Variants in ATP8B3 observed in about 807,000 individuals in gnomAD.
ATP8B3 encodes ATPase phospholipid transporting 8B3, also known as phospholipid-transporting ATPase IK.
ATP8B3 carries 141 observed loss-of-function variants against 140.9 expected under a neutral mutation model. The observed-to-expected ratio is 1.00, with a 90% CI of 0.87 to 1.15. The LOEUF (loss-of-function observed/expected upper bound fraction) is 1.15. ATP8B3 is among the 50% of genes most tolerant of loss of function. ATP8B3 has a pLI of 0.00. For synonymous variants in ATP8B3, 765 were observed against 714.6 expected (o/e 1.07, Z -1.13); for missense variants, 1,874 against 1,740.6 (o/e 1.08, Z -1.36).
intron 22 of ATP8B3, 80 bp downstream of exon 22, chr19:1,789,810 A>G: frequency 1.3e-6 from 2 of 1,580,520 alleles, no homozygotes; most frequent in Non-Finnish European, 8.6e-7. Context: ...CCTCGCCAGC[A>G]GTCCCCACCC....
chr19:1,785,014 G>C, intron 27 of ATP8B3, 68 bp from the exon 28 acceptor site: 1 of 1,535,800 alleles, frequency 6.5e-7, no homozygotes, highest in Non-Finnish European at 8.7e-7. Context: ...GCTAGGGAGC[G>C]CCTTGGTGCC....
intron 10 of ATP8B3, among the ~76,000 whole-genome samples, chr19:1,803,695 G>A (rs1032963303): frequency 7.9e-5 from 12 of 152,114 alleles, no homozygotes; most frequent in Middle Eastern, 3.4e-3. Flanking sequence ...TCAGGAGTTC[G>A]AGACCAGCCT....
intron 14 of ATP8B3, chr19:1,799,635 G>GCA (rs2068780147): frequency 1.9e-6 from 1 of 527,896 alleles, no homozygotes; most frequent in African/African-American, 2.0e-5. Flanking sequence ...GTGGTGGCAG[G>GCA]TGCCTGTAAT....
Position 1,785,316 on chromosome 19 carries a change from G to C in ATP8B3, c.3394-19C>G. On this transcript the variant is annotated intron_variant, in intron 26 of 28. Transcript: ENST00000310127. ...GAATGACCTGGACAGGCAGCGGTGG[G>C]GTAAATCCGGGGCCTAGCGGGGCTT... The C allele has an allele frequency of 6.3e-7, 1 of 1,576,758 alleles. No individual in the cohort carries two copies. Among genetic ancestry groups the C allele is most frequent in the South Asian group, 1.2e-5 (1 of 85,632 alleles).
chr19:1,808,918 AT>A (rs2069106964), intron 4 of ATP8B3, among the ~76,000 whole-genome samples: 1 of 152,194 alleles, frequency 6.6e-6, no homozygotes, highest in Non-Finnish European at 1.5e-5. Context: ...CACCCCTGTA[AT>A]CCCAGCATTT....
intron 11 of ATP8B3, 77 bp from the exon 12 acceptor site, chr19:1,802,121 C>A: frequency 2.0e-6 from 2 of 976,576 alleles, no homozygotes; most frequent in South Asian, 1.6e-5. Flanking sequence ...ACCCATCCAC[C>A]CACTCCCCCA....
At chr19:1,783,359 A>G in intron 28 of ATP8B3, 89 bp from the exon 29 acceptor site, 1 of 1,479,540 alleles carries the variant, frequency 6.8e-7, no homozygotes, top group African/African-American at 1.4e-5. Flanking sequence ...GCAGGATTCA[A>G]AGCCCTTGGC....
chr19:1,791,744 AC>A lies in ATP8B3; in HGVS notation c.2302+5del. 1 of 1,607,144 alleles carries A rather than the reference AC, an allele frequency of 6.2e-7. No individual in the cohort carries two copies. Among genetic ancestry groups the A allele is most frequent in the Non-Finnish European group, 8.5e-7 (1 of 1,176,838 alleles). On this transcript the variant is annotated splice_donor_5th_base_variant and intron_variant, in intron 20 of 28. Coordinates refer to ENST00000310127, the MANE Select transcript of ATP8B3 (RefSeq NM_138813.4). The stretch of plus-strand genomic sequence containing the variant: ...GCTTAGCCACCCGGAGCTGCCCGGG[AC>A]TCACCCTGCTTGTCCCCGGTGAGCA...
chr19:1,788,849 G>A (rs749404072), intron 24 of ATP8B3, 48 bp downstream of exon 24: 2 of 1,502,742 alleles, frequency 1.3e-6, no homozygotes, highest in Non-Finnish European at 1.8e-6. Context: ...GAGGGGCAGG[G>A]CATCCCCAGA....
At chr19:1,791,389 ATT>A (rs34511191) in intron 20 of ATP8B3, among the ~76,000 whole-genome samples, 199 of 135,280 alleles carry the variant, frequency 1.5e-3, no homozygotes, top group East Asian at 1.6e-3. Context: ...GAGTTGCAGC[ATT>A]TTTTTTTTTT....
chr19:1,790,814 C>A lies in ATP8B3; in HGVS notation c.2321G>T (p.Gly774Val). Residue 774 changes from glycine (G) to valine (V), a missense_variant, in exon 21 of 29, where the codon GGC becomes GTC. By Grantham distance (109) the Gly-to-Val change is moderately radical (BLOSUM62 -3). Coordinates refer to ENST00000310127, the MANE Select transcript of ATP8B3 (RefSeq NM_138813.4). ...CTCTGACAGCAGCTCGCAGGCGAAG[C>A]CGATGTTCACAGCCGTTTCTGCGAA... ...GDKQETAVNI[G>V]FACELLSENM... is the part of the protein sequence containing the mutation. 6.2e-7 allele frequency: 1 copy of A among 1,602,930 alleles called. No homozygotes were observed. Among genetic ancestry groups the A allele is most frequent in the Non-Finnish European group, 8.5e-7 (1 of 1,175,884 alleles).
At chr19:1,804,778 C>T (rs7258958) in intron 10 of ATP8B3, among the ~76,000 whole-genome samples, 11,292 of 152,056 alleles carry the variant, frequency 0.074, 642 homozygotes, top group African/African-American at 0.16. Flanking sequence ...TGCACTCCAG[C>T]CTGGGAGACA....
Position 1,806,467 on chromosome 19 carries a change from C to G in ATP8B3, c.677+161G>C. The G allele has an allele frequency of 6.8e-7, 1 of 1,465,502 alleles. No homozygotes were observed. Among genetic ancestry groups the G allele is most frequent in the Non-Finnish European group, 9.0e-7 (1 of 1,112,688 alleles). 90.8% of individuals were successfully genotyped at this position (1,465,502 alleles called of 1,614,324 possible). On this transcript the variant is annotated intron_variant, in intron 7 of 28. Coordinates refer to ENST00000310127, the MANE Select transcript of ATP8B3 (RefSeq NM_138813.4). The surrounding 1 kb of genome is among the most constrained non-coding windows in gnomAD (Gnocchi z 5.6). The stretch of plus-strand genomic sequence containing the variant: ...CAGGGCCTCGGCCTCTGTCCTCGTC[C>G]CGGCCAAACGCCTAATGAATGCAGG...
At position 1,805,303 on chromosome 19, in the gene ATP8B3, A is replaced by G. The variant is rs891240935; in HGVS notation, c.904+71T>C. The G allele has an allele frequency of 1.5e-5, 22 of 1,430,862 alleles. No individual in the cohort carries two copies. The highest frequency in any genetic ancestry group is 2.1e-5 in the Non-Finnish European group (22 of 1,037,806). 88.6% of individuals were successfully genotyped at this position (1,430,862 alleles called of 1,614,324 possible). On this transcript the variant is annotated intron_variant, in intron 10 of 28. Transcript: ENST00000310127. This position sits in a 1 kb window ranked among gnomAD's most constrained non-coding sequence, Gnocchi z 5.2. The stretch of plus-strand genomic sequence containing the variant: ...ACCTTGTTTTAAAAACAGTAATAAC[A>G]ACAACAAAATACCCTAACTTTTAAC...
rs553188918 is a variant in ATP8B3 at position 1,802,656 on chromosome 19, C to T, written c.905-11G>A. On this transcript the variant is annotated splice_polypyrimidine_tract_variant and intron_variant, in intron 10 of 28. Coordinates refer to ENST00000310127, the MANE Select transcript of ATP8B3 (RefSeq NM_138813.4). ...CACACGTCACTGTGCCTGTGGGTGG[C>T]CAGGTGGTCAGTGGGTCAGTGGGCT... 1.9e-6 allele frequency: 3 copies of T among 1,605,354 alleles called. No individual in the cohort carries two copies. The highest frequency in any genetic ancestry group is 2.5e-6 in the Non-Finnish European group (3 of 1,176,798).
rs144109112 is a variant in ATP8B3 at position 1,785,667 on chromosome 19, G to C, written c.3195C>G (p.Tyr1065Ter). Residue 1065 changes from tyrosine (Y) to a stop codon, truncating the protein, a stop_gained, in exon 26 of 29, where the codon TAC becomes TAG. Coordinates refer to ENST00000310127, the MANE Select transcript of ATP8B3 (RefSeq NM_138813.4). LOFTEE classifies it high-confidence loss of function. The stretch of plus-strand genomic sequence containing the variant: ...AGAGCTCGTCCTTCTGCCCCACCAC[G>C]TACAGCTCCGGCTTCTCCAGGCTCT... The part of the protein sequence containing the change: ...AEQSLEKPEL[Y>*]VVGQKDELFN... 1 of 1,608,716 alleles carries C rather than the reference G, an allele frequency of 6.2e-7. No homozygotes were observed. The highest frequency in any genetic ancestry group is 8.5e-7 in the Non-Finnish European group (1 of 1,177,386).
At chr19:1,788,207 T>C (rs138923615) in intron 24 of ATP8B3, among the ~76,000 whole-genome samples, 3 of 152,348 alleles carry the variant, frequency 2.0e-5, no homozygotes, top group African/African-American at 7.2e-5. Flanking sequence ...AGCACTGCCC[T>C]GGGGCTCCTC....
rs368447096 is a variant in ATP8B3 at position 1,806,391 on chromosome 19, T to G, written c.678-222A>C. The stretch of plus-strand genomic sequence containing the variant: ...CCTGCACCCACGTCCTCTTCAGACT[T>G]TCCTTGTCCTCCCCATCGCCCGAGC... On this transcript the variant is annotated intron_variant, in intron 7 of 28. Transcript: ENST00000310127. This position sits in a 1 kb window ranked among gnomAD's most constrained non-coding sequence, Gnocchi z 5.6. 7.6e-6 allele frequency: 11 copies of G among 1,443,296 alleles called. No homozygotes were observed. The African/African-American group carries it at 8.6e-5, about 11-fold the overall frequency. 89.4% of individuals were successfully genotyped at this position (1,443,296 alleles called of 1,614,324 possible). A position where few individuals can be genotyped will look rare whatever the true frequency, so the allele number is the denominator to read the frequency against.
At position 1,811,446 on chromosome 19, in the gene ATP8B3, C is replaced by T; in HGVS notation, c.248+43G>A. On this transcript the variant is annotated intron_variant, in intron 2 of 28. Transcript: ENST00000310127. ...CTCTAGCAGTGCCCTCCCCGCCAAG[C>T]CCCTGCCCCTGTGTTCCGGCCACCC... 6.3e-6 allele frequency: 10 copies of T among 1,586,918 alleles called. No homozygotes were observed. In the South Asian group the frequency reaches 1.1e-4, roughly 18 times the overall value.
Sources: allele counts gnomAD v4.1 joint callset (sites outside exome capture counted in the v4.1 genomes callset), GRCh38; gene constraint gnomAD v4.1.1; non-coding constraint Gnocchi (gnomAD v3.1); transcripts MANE v1.5; gene names NCBI Gene and HGNC (gene_info 2026-07-23, HGNC 2026-07-21).